Variants in USP5 observed in about 807,000 individuals in gnomAD.
USP5 encodes the protein ubiquitin carboxyl-terminal hydrolase 5.
Under a neutral mutation model 102.5 loss-of-function variants are expected in USP5, and 24 were observed. The ratio of observed to expected loss-of-function variants is 0.23; its 90% CI spans 0.17 to 0.33. The LOEUF (loss-of-function observed/expected upper bound fraction) is 0.33, where lower values mean the gene tolerates loss of function less well. USP5 is among the 10% of genes least tolerant of loss of function. The pLI is 1.00. For synonymous variants in USP5, 460 were observed against 434.8 expected, an observed-to-expected ratio of 1.06 and a Z score of -0.72; for missense variants, 753 against 1,122.1, an observed-to-expected ratio of 0.67 and a Z score of 4.70.
At position 6,864,670 on chromosome 12, in the gene USP5, CAG is replaced by C. The variant is rs782373014; in HGVS notation, c.2245-49_2245-48del. The C allele has an allele frequency of 1.7e-5, 26 of 1,563,976 alleles. 1 individual carries two copies. In the Middle Eastern group the frequency reaches 5.2e-4, roughly 31 times the overall value. On this transcript the variant is annotated intron_variant, in intron 17 of 19. Coordinates refer to ENST00000229268, the MANE Select transcript of USP5 (RefSeq NM_001098536.2). This position sits in a 1 kb window ranked among gnomAD's most constrained non-coding sequence, Gnocchi z 4.8. ...CGCCACTGCACTCCAGCCTGGGCGA[CAG>C]AGCAAGACTCCGTCTCAAGAAAAAA...
At position 6,855,893 on chromosome 12, in the gene USP5, C is replaced by T. The variant is rs928069452; in HGVS notation, c.304+72C>T. On this transcript the variant is annotated intron_variant, in intron 3 of 19. Transcript: ENST00000229268. The surrounding 1 kb of genome is among the most constrained non-coding windows in gnomAD (Gnocchi z 4.6). ...GGCTCTCAGCAGCACCAGGAAAGCCCCAAAGAGTGGGCCTGATTGATGGCC... is the reference window on the plus strand; with the variant it reads ...GGCTCTCAGCAGCACCAGGAAAGCCTCAAAGAGTGGGCCTGATTGATGGCC... 1.2e-6 allele frequency: 2 copies of T among 1,610,590 alleles called. No homozygotes were observed. Among genetic ancestry groups the T allele is most frequent in the African/African-American group, 2.7e-5 (2 of 74,856 alleles).
Position 6,858,932 on chromosome 12 carries a change from A to G in USP5, c.1058+315A>G, listed in dbSNP as rs1335308755. ...GGGGAGCAAGTTAGGGAGCTGCACCACCAGCACCCCAACACACAAACCCCA... is the reference window on the plus strand; with the variant it reads ...GGGGAGCAAGTTAGGGAGCTGCACCGCCAGCACCCCAACACACAAACCCCA... On this transcript the variant is annotated intron_variant, in intron 8 of 19. Transcript: ENST00000229268. The surrounding 1 kb of genome is among the most constrained non-coding windows in gnomAD (Gnocchi z 4.2). 1.1e-5 allele frequency: 3 copies of G among 262,414 alleles called. No individual in the cohort carries two copies. The Admixed American group carries it at 1.4e-4, about 12-fold the overall frequency. 16.3% of individuals were successfully genotyped at this position (262,414 alleles called of 1,614,324 possible).
At position 6,866,254 on chromosome 12, in the gene USP5, T is replaced by C. The variant is rs1434517611; in HGVS notation, c.*177T>C. On this transcript the variant is annotated 3_prime_UTR_variant, in exon 20 of 20. Transcript: ENST00000229268. This position sits in a 1 kb window ranked among gnomAD's most constrained non-coding sequence, Gnocchi z 4.7. ...GCTGGGCAGAGCAGAGGGGCAGCGA[T>C]AGACTCTGGGGATGGAGCAGGACGG... 3 of 616,156 alleles carry C rather than the reference T, an allele frequency of 4.9e-6. No homozygotes were observed. The highest frequency in any genetic ancestry group is 8.5e-6 in the Non-Finnish European group (3 of 351,446). 38.2% of individuals were successfully genotyped at this position (616,156 alleles called of 1,614,324 possible). A position where few individuals can be genotyped will look rare whatever the true frequency, so the allele number is the denominator to read the frequency against.
At chr12:6,853,136 G>C (rs743599) in intron 1 of USP5, among the ~76,000 whole-genome samples, 13,130 of 152,194 alleles carry the variant, frequency 0.086, 1,469 homozygotes, top group East Asian at 0.3. Context: ...ACCCTCAAGC[G>C]GAGGCCCTTT....
At chr12:6,857,336 C>A in intron 6 of USP5, 1 of 383,224 alleles carries the variant, frequency 2.6e-6, no homozygotes, top group Non-Finnish European at 4.7e-6. Flanking sequence ...TTGATTACTC[C>A]CCACTCAAAT....
chr12:6,865,148 C>A lies in USP5; in HGVS notation c.2399-16C>A. ...CTCTTCTGTTTCCTTCTCTGACCCCCTCTCTCCTTTCCTAGAGTATCAGCT... is the reference window on the plus strand; with the variant it reads ...CTCTTCTGTTTCCTTCTCTGACCCCATCTCTCCTTTCCTAGAGTATCAGCT... On this transcript the variant is annotated splice_polypyrimidine_tract_variant and intron_variant, in intron 18 of 19. Coordinates refer to ENST00000229268, the MANE Select transcript of USP5 (RefSeq NM_001098536.2). 6.2e-7 allele frequency: 1 copy of A among 1,605,112 alleles called. No homozygotes were observed. Among genetic ancestry groups the A allele is most frequent in the South Asian group, 1.1e-5 (1 of 90,884 alleles).
In USP5 at chr12:6,863,036, G is replaced by A; in HGVS notation, c.1763-150G>A. ...CCAACTCCCAGGCTTAGTATTATTT[G>A]TCTTATACTGGGACCCCTAAGATGG... On this transcript the variant is annotated intron_variant, in intron 14 of 19. Coordinates refer to ENST00000229268, the MANE Select transcript of USP5 (RefSeq NM_001098536.2). This position sits in a 1 kb window ranked among gnomAD's most constrained non-coding sequence, Gnocchi z 4.7. 1 of 706,864 alleles carries A rather than the reference G, an allele frequency of 1.4e-6. No homozygotes were observed. Among genetic ancestry groups the A allele is most frequent in the Non-Finnish European group, 2.3e-6 (1 of 442,274 alleles). The allele number at this position is 706,864 out of a possible 1,614,324, so 43.8% of individuals were successfully genotyped here. A position where few individuals can be genotyped will look rare whatever the true frequency, so the allele number is the denominator to read the frequency against.
rs1371368573 is a variant in USP5, at chr12:6,861,104, AAGGT to A, written c.1498+2_1498+5del. On this transcript the variant is annotated splice_donor_variant and coding_sequence_variant, in exon 12 of 20. Transcript: ENST00000229268. LOFTEE classifies it high-confidence loss of function. The surrounding 1 kb of genome is among the most constrained non-coding windows in gnomAD (Gnocchi z 4.9). The stretch of plus-strand genomic sequence containing the variant: ...GTGCCCATGGATGCAGCCCTTAACA[AAGGT>A]AGGCTGCTCCATCAGCAAGGCCGTG... The A allele has an allele frequency of 1.2e-6, 2 of 1,613,852 alleles. No homozygotes were observed. The highest frequency in any genetic ancestry group is 1.7e-6 in the Non-Finnish European group (2 of 1,179,928).
At chr12:6,859,611 G>A (rs1305583018) in intron 9 of USP5, 70 bp downstream of exon 9, 49 of 1,463,672 alleles carry the variant, frequency 3.3e-5, no homozygotes, top group African/African-American at 5.6e-5. Context: ...CTCCCTGACC[G>A]CCTGGGGGGC....
At chr12:6,862,191 C>T (rs1188983629) in intron 13 of USP5, among the ~76,000 whole-genome samples, 1 of 151,994 alleles carries the variant, frequency 6.6e-6, no homozygotes, top group Non-Finnish European at 1.5e-5. Context: ...AGCAGTCGTC[C>T]TGCCTTGGCC....
rs1944390411 is a variant in USP5, at chr12:6,864,941, C to G, written c.2398+66C>G. 2 of 1,563,918 alleles carry G rather than the reference C, an allele frequency of 1.3e-6. No individual in the cohort carries two copies. Among genetic ancestry groups the G allele is most frequent in the South Asian group, 2.3e-5 (2 of 86,282 alleles). ...GGTCAGTCTACTACACCAGATCCCT[C>G]ATTCAGGCAGCTCTGCCCTCCTCAG... is the stretch of plus-strand genomic sequence containing the variant. On this transcript the variant is annotated intron_variant, in intron 18 of 19. Transcript: ENST00000229268. The surrounding 1 kb of genome is among the most constrained non-coding windows in gnomAD (Gnocchi z 4.8).
chr12:6,856,265 A>G lies in USP5; in HGVS notation c.439-40A>G. ...CAAGGGGAAGAGGGGCATGTGGGGC[A>G]GGGGGTTGGGTATTGCCTCTGACCC... On this transcript the variant is annotated intron_variant, in intron 4 of 19. Coordinates refer to ENST00000229268, the MANE Select transcript of USP5 (RefSeq NM_001098536.2). The surrounding 1 kb of genome is among the most constrained non-coding windows in gnomAD (Gnocchi z 5.6). 1.2e-6 allele frequency: 2 copies of G among 1,604,854 alleles called. No individual in the cohort carries two copies. Among genetic ancestry groups the G allele is most frequent in the Non-Finnish European group, 1.7e-6 (2 of 1,174,306 alleles).
rs1555128624 is a variant in USP5, at chr12:6,857,660, C to T, written c.801C>T (p.Val267=). ...DVYSYDEDDM[V]LDPSLAEHLS... ...ACTCATATGATGAGGATGACATGGT[C>T]CTGGACCCCAGCCTGGCTGAGCACC... The change falls in exon 7 of 20, where the codon GTC becomes GTT. Residue 267 remains valine (V), a synonymous_variant. Coordinates refer to ENST00000229268, the MANE Select transcript of USP5 (RefSeq NM_001098536.2). The T allele has an allele frequency of 6.2e-7, 1 of 1,613,940 alleles. No homozygotes were observed. The highest frequency in any genetic ancestry group is 2.2e-5 in the East Asian group (1 of 44,846).
chr12:6,852,502 C>T (rs950081242), intron 1 of USP5, among the ~76,000 whole-genome samples: 1 of 152,274 alleles, frequency 6.6e-6, no homozygotes, highest in Non-Finnish European at 1.5e-5. Context: ...TCTCCGGCTC[C>T]CCGCTTCGTG....
chr12:6,858,229 C>T lies in USP5; in HGVS notation c.865-195C>T, dbSNP rs1016352100. Among the ~76,000 whole-genome samples, 1 of 152,158 alleles carries T rather than the reference C, an allele frequency of 6.6e-6. No individual in the cohort carries two copies. The highest frequency in any genetic ancestry group is 1.5e-5 in the Non-Finnish European group (1 of 68,022). On this transcript the variant is annotated intron_variant, in intron 7 of 19. Coordinates refer to ENST00000229268, the MANE Select transcript of USP5 (RefSeq NM_001098536.2). The surrounding 1 kb of genome is among the most constrained non-coding windows in gnomAD (Gnocchi z 4.2). Reference sequence around the variant, plus strand: ...TTCAAGCAGAGGCCCTGATGACTAACGGGCCTCTGGGACAATTATGTGTGG... The same window carrying T: ...TTCAAGCAGAGGCCCTGATGACTAATGGGCCTCTGGGACAATTATGTGTGG...
Position 6,856,057 on chromosome 12 carries a change from A to C in USP5, c.345A>C (p.Glu115Asp). 1.9e-6 allele frequency: 3 copies of C among 1,614,152 alleles called. No homozygotes were observed. The highest frequency in any genetic ancestry group is 2.2e-5 in the South Asian group (2 of 91,080). ...TTGACCTTAGCGAGGAGAAGTTTGA[A>C]TTAGACGAGGATGTGAAGATTGTCA... ...GGFDLSEEKFELDEDVKIVIL... is the reference protein window; with the variant it reads ...GGFDLSEEKFDLDEDVKIVIL... The change falls in exon 4 of 20, where the codon GAA (glutamate) becomes GAC (aspartate). Residue 115 changes from glutamate to aspartate, a missense_variant. This residue lies in a region of USP5 where 527 missense variants were observed against 816.5 expected (regional missense o/e 0.65). Transcript: ENST00000229268. The surrounding 1 kb of genome is among the most constrained non-coding windows in gnomAD (Gnocchi z 5.6).
Position 6,864,645 on chromosome 12 carries a change from C to T in USP5, c.2245-77C>T, listed in dbSNP as rs782402647. On this transcript the variant is annotated intron_variant, in intron 17 of 19. Transcript: ENST00000229268. The surrounding 1 kb of genome is among the most constrained non-coding windows in gnomAD (Gnocchi z 4.8). ...CGGAGCTTGCAGTGAGCCGAGATCG[C>T]GCCACTGCACTCCAGCCTGGGCGAC... 3.9e-5 allele frequency: 58 copies of T among 1,496,816 alleles called. No homozygotes were observed. The highest frequency in any genetic ancestry group is 6.9e-5 in the East Asian group (3 of 43,194). The allele number at this position is 1,496,816 out of a possible 1,614,324, so 92.7% of individuals were successfully genotyped here.
Position 6,861,203 on chromosome 12 carries a change from CT to C in USP5, c.1498+98del. ...ATGGGAGCACAGCCCAGGGAATGCCCTGCTTCACCAGCCAAGGTTCCAGTCT... is the reference window on the plus strand; with the variant it reads ...ATGGGAGCACAGCCCAGGGAATGCCCGCTTCACCAGCCAAGGTTCCAGTCT... On this transcript the variant is annotated intron_variant, in intron 12 of 19. Transcript: ENST00000229268. The surrounding 1 kb of genome is among the most constrained non-coding windows in gnomAD (Gnocchi z 4.9). 1 of 1,543,348 alleles carries C rather than the reference CT, an allele frequency of 6.5e-7. No individual in the cohort carries two copies.
In USP5 at chr12:6,856,814, A is replaced by G. The variant is rs782405613; in HGVS notation, c.692A>G (p.Asn231Ser). 20 of 1,614,022 alleles carry G rather than the reference A, an allele frequency of 1.2e-5. No individual in the cohort carries two copies. Among genetic ancestry groups the G allele is most frequent in the Non-Finnish European group, 1.6e-5 (19 of 1,180,012 alleles). The change falls in exon 6 of 20, where the codon AAC (asparagine) becomes AGC (serine). Residue 231 changes from asparagine to serine, a missense_variant. Asn to Ser is a conservative substitution (Grantham distance 46). Transcript: ENST00000229268. This position sits in a 1 kb window ranked among gnomAD's most constrained non-coding sequence, Gnocchi z 5.6. ...TACTTCGATGGCAGTGGGGGCAACA[A>G]CCACGCTGTGGAGCACTACCGAGAG... ...RRYFDGSGGN[N>S]HAVEHYRETG...
Sources: gnomAD v4.1 joint callset for allele counts (sites outside exome capture counted in the v4.1 genomes callset) on GRCh38, gnomAD v4.1.1 for gene constraint, gnomAD v4.1.1 regional missense constraint, Gnocchi (gnomAD v3.1) non-coding constraint, MANE v1.5 for transcripts, NCBI Gene and HGNC (gene_info 2026-07-23, HGNC 2026-07-21) for gene names.